The following ZNF33A variants were observed in gnomAD, a reference collection of about 807,000 sequenced individuals.
ZNF33A encodes zinc finger protein 33A.
A neutral mutation model predicts 15.9 loss-of-function variants in ZNF33A; 9 were observed. That is an observed-to-expected ratio of 0.57 (90% CI 0.34 to 0.99). ZNF33A has a LOEUF of 0.99. ZNF33A is among the 50% of genes least tolerant of loss of function. The pLI is 0.02. For synonymous variants in ZNF33A, 294 were observed against 324.2 expected (o/e 0.91, Z 1.00); for missense variants, 843 against 941.6 (o/e 0.90, Z 1.37).
At chr10:38,040,059 T>C (rs1025447014) in intron 4 of ZNF33A, among the ~76,000 whole-genome samples, 3 of 152,108 alleles carry the variant, frequency 2.0e-5, no homozygotes, top group African/African-American at 7.2e-5. Flanking sequence ...TATGTCTTCA[T>C]TTTTATCTCA....
At position 38,057,055 on chromosome 10, in the gene ZNF33A, T is replaced by C. The variant is rs1266161849; in HGVS notation, c.*495T>C. 1.5e-6 allele frequency: 1 copy of C among 673,258 alleles called. No homozygotes were observed. The highest frequency in any genetic ancestry group is 1.9e-5 in the African/African-American group (1 of 51,396). 41.7% of individuals were successfully genotyped at this position (673,258 alleles called of 1,614,324 possible). On this transcript the variant is annotated 3_prime_UTR_variant, in exon 5 of 5. Coordinates refer to ENST00000432900, the MANE Select transcript of ZNF33A (RefSeq NM_006954.2). ...TATATGGTCAAGTCCAAGAAATCGATGTTACCTTGCTGGTAGATAGAGACT... is the reference window on the plus strand; with the variant it reads ...TATATGGTCAAGTCCAAGAAATCGACGTTACCTTGCTGGTAGATAGAGACT...
At position 38,056,488 on chromosome 10, in the gene ZNF33A, A is replaced by T. The variant is rs1278311176; in HGVS notation, c.2364A>T (p.Gln788His). Residue 788 changes from glutamine (Q) to histidine (H), a missense_variant, in exon 5 of 5, where the codon CAA (glutamine) becomes CAT (histidine). Physicochemically the swap from Gln to His is conservative, Grantham distance 24. Transcript: ENST00000432900. Reference sequence around the variant, plus strand: ...TGGATATTAGAAATTTCCAGCCACAAGTCAGCCTCCATAATGCCTCAGAGT... The same window carrying T: ...TGGATATTAGAAATTTCCAGCCACATGTCAGCCTCCATAATGCCTCAGAGT... Reference protein sequence around the residue: ...NEMDIRNFQPQVSLHNASEYS... With the variant: ...NEMDIRNFQPHVSLHNASEYS... The T allele has an allele frequency of 1.7e-5, 27 of 1,612,836 alleles. No individual in the cohort carries two copies. Among genetic ancestry groups the T allele is most frequent in the Non-Finnish European group, 2.3e-5 (27 of 1,179,390 alleles).
Position 38,014,906 on chromosome 10 carries a change from CAG to C in ZNF33A, c.10-1962_10-1961del, listed in dbSNP as rs1396726396. ...GAATTACTTACCTTTTTTTTTGAGA[CAG>C]AGTCGCCCAGGCTGGAGTGCAGTGG... is the stretch of plus-strand genomic sequence containing the variant. On this transcript the variant is annotated intron_variant, in intron 2 of 4. Coordinates refer to ENST00000432900, the MANE Select transcript of ZNF33A (RefSeq NM_006954.2). Among the ~76,000 whole-genome samples, 5 of 151,890 alleles carry C rather than the reference CAG, an allele frequency of 3.3e-5. No homozygotes were observed. The East Asian group carries it at 9.7e-4, about 29-fold the overall frequency.
At chr10:38,044,976 T>C (rs1031462549) in intron 4 of ZNF33A, among the ~76,000 whole-genome samples, 1 of 152,152 alleles carries the variant, frequency 6.6e-6, no homozygotes, top group South Asian at 2.1e-4. Context: ...CCCGAACATA[T>C]TTATAATAGC....
intron 2 of ZNF33A, among the ~76,000 whole-genome samples, chr10:38,014,404 T>A (rs2064349777): frequency 6.6e-6 from 1 of 152,208 alleles, no homozygotes; most frequent in African/African-American, 2.4e-5. Context: ...TACGTTTATT[T>A]GTTGCTGGTG....
intron 4 of ZNF33A, among the ~76,000 whole-genome samples, chr10:38,029,293 T>C (rs889896798): frequency 1.3e-5 from 2 of 152,226 alleles, no homozygotes; most frequent in African/African-American, 4.8e-5. Context: ...CATTTCTCTT[T>C]CATTTTGAAG....
intron 4 of ZNF33A, among the ~76,000 whole-genome samples, chr10:38,036,265 C>A (rs2065449696): frequency 6.6e-6 from 1 of 151,980 alleles, no homozygotes; most frequent in Non-Finnish European, 1.5e-5. Context: ...CGTGGTAAAA[C>A]CCTGTCTACT....
intron 4 of ZNF33A, among the ~76,000 whole-genome samples, chr10:38,029,970 C>T (rs1373223780): frequency 6.6e-6 from 1 of 152,116 alleles, no homozygotes; most frequent in Non-Finnish European, 1.5e-5. Flanking sequence ...TGTTGAAGAA[C>T]ACTAATATAT....
intron 4 of ZNF33A, among the ~76,000 whole-genome samples, chr10:38,033,499 A>T (rs2065302688): frequency 6.6e-6 from 1 of 151,952 alleles, no homozygotes; most frequent in Admixed American, 6.6e-5. Flanking sequence ...TTATATGGTG[A>T]CTCTGTGTTT....
At chr10:38,047,589 G>GCACTC (rs943080955) in intron 4 of ZNF33A, among the ~76,000 whole-genome samples, 12 of 134,948 alleles carry the variant, frequency 8.9e-5, no homozygotes, top group African/African-American at 3.4e-4. Flanking sequence ...TTGCACCACT[G>GCACTC]CACTCCAGCC....
Position 38,055,583 on chromosome 10 carries a change from C to A in ZNF33A, c.1459C>A (p.His487Asn), listed in dbSNP as rs143834287. 135 of 1,614,092 alleles carry A rather than the reference C, an allele frequency of 8.4e-5. No homozygotes were observed. Among genetic ancestry groups the A allele is most frequent in the Non-Finnish European group, 1.1e-4 (130 of 1,180,004 alleles). The change falls in exon 5 of 5, where the codon CAT (histidine) becomes AAT (asparagine). Residue 487 changes from histidine to asparagine, a missense_variant. Coordinates refer to ENST00000432900, the MANE Select transcript of ZNF33A (RefSeq NM_006954.2). ...TAGTGAAAAGTCAAATCTTACACAG[C>A]ATCAGAGAATTCACATAGGAGATAA... ...SFSEKSNLTQ[H>N]QRIHIGDKSY...
In ZNF33A at chr10:38,056,180, A is replaced by G. The variant is rs2066471349; in HGVS notation, c.2056A>G (p.Lys686Glu). ...ATCAGGACTTATTTTCCATGAGAGA[A>G]AGCACACGGGGGAGAAACCCTATGA... ...VKSGLIFHER[K>E]HTGEKPYECN... Residue 686 changes from lysine (K) to glutamate (E), a missense_variant, in exon 5 of 5, where the codon AAG becomes GAG. By Grantham distance (56) the Lys-to-Glu change is moderately conservative. Transcript: ENST00000432900. 1.9e-6 allele frequency: 3 copies of G among 1,613,894 alleles called. No individual in the cohort carries two copies. The highest frequency in any genetic ancestry group is 2.5e-6 in the Non-Finnish European group (3 of 1,179,878).
chr10:38,022,863 T>C (rs975946359), intron 4 of ZNF33A, among the ~76,000 whole-genome samples: 10 of 152,154 alleles, frequency 6.6e-5, no homozygotes, highest in Non-Finnish European at 1.2e-4. Context: ...GTTGTAGTCC[T>C]CACTAGAGAA....
chr10:38,065,484 CA>C (rs1185825114), downstream of ZNF33A, among the ~76,000 whole-genome samples: 1 of 152,210 alleles, frequency 6.6e-6, no homozygotes, highest in Non-Finnish European at 1.5e-5. Flanking sequence ...ATGTCCCAGG[CA>C]GTTTGTAAAA....
At chr10:38,014,139 C>T (rs1412958370) in intron 2 of ZNF33A, among the ~76,000 whole-genome samples, 1 of 137,872 alleles carries the variant, frequency 7.3e-6, no homozygotes, top group Non-Finnish European at 1.5e-5. Flanking sequence ...CCTTCAGGGC[C>T]CAAGGGATTC....
downstream of ZNF33A, among the ~76,000 whole-genome samples, chr10:38,067,150 C>T (rs1248861892): frequency 6.6e-6 from 1 of 152,076 alleles, no homozygotes; most frequent in Non-Finnish European, 1.5e-5. Context: ...TTTCTCCTAC[C>T]AGGAAAAAGG....
chr10:38,015,401 G>T (rs989380975), intron 2 of ZNF33A, among the ~76,000 whole-genome samples: 1 of 152,010 alleles, frequency 6.6e-6, no homozygotes, highest in East Asian at 1.9e-4. Flanking sequence ...TGCCTCCCAG[G>T]TTAAAGGGAT....
intron 4 of ZNF33A, among the ~76,000 whole-genome samples, chr10:38,046,521 G>C (rs1267682508): frequency 6.6e-6 from 1 of 152,114 alleles, no homozygotes; most frequent in Non-Finnish European, 1.5e-5. Context: ...TTGTTTCCAA[G>C]TGACTTAAGT....
At chr10:38,015,345 C>T (rs2064401052) in intron 2 of ZNF33A, among the ~76,000 whole-genome samples, 1 of 151,864 alleles carries the variant, frequency 6.6e-6, no homozygotes, top group African/African-American at 2.4e-5. Context: ...GCTCTTGTTA[C>T]CCAGGCTGGA....
Sources: allele counts gnomAD v4.1 joint callset (sites outside exome capture counted in the v4.1 genomes callset), GRCh38; gene constraint gnomAD v4.1.1; transcripts MANE v1.5; gene names NCBI Gene and HGNC (gene_info 2026-07-23, HGNC 2026-07-21).